PTPRZ1: variants seen among roughly 807,000 people sequenced by gnomAD.
The protein encoded by PTPRZ1 is protein tyrosine phosphatase receptor type Z1.
Under a neutral mutation model 214.1 loss-of-function variants are expected in PTPRZ1, and 82 were observed. The observed-to-expected ratio is 0.38, with a 90% CI of 0.32 to 0.46. The LOEUF (loss-of-function observed/expected upper bound fraction) is 0.46. Among genes scored for constraint, PTPRZ1 ranks in the 20% least tolerant of loss-of-function variants. The probability of loss-of-function intolerance (pLI) is 1.00; values close to 1 mark genes in which losing one functional copy is unlikely to be tolerated. For missense variants in PTPRZ1, 2,603 were observed against 2,748.7 expected, an observed-to-expected ratio of 0.95 and a Z score of 1.19; for synonymous variants, 945 against 987.9, an observed-to-expected ratio of 0.96 and a Z score of 0.81.
In PTPRZ1 at chr7:121,976,279, T is replaced by C; in HGVS notation, c.552+11T>C. 1.4e-6 allele frequency: 2 copies of C among 1,398,684 alleles called. No homozygotes were observed. The highest frequency in any genetic ancestry group is 1.4e-5 in the African/African-American group (1 of 71,474). 86.6% of individuals were successfully genotyped at this position (1,398,684 alleles called of 1,614,324 possible). A position where few individuals can be genotyped will look rare whatever the true frequency, so the allele number is the denominator to read the frequency against. Reference sequence around the variant, plus strand: ...TCCATTTTGTTTGAGGTAATATATATACACTTTACACTAATGTAATTCCTT... The same window carrying C: ...TCCATTTTGTTTGAGGTAATATATACACACTTTACACTAATGTAATTCCTT... On this transcript the variant is annotated intron_variant, in intron 5 of 29. Transcript: ENST00000393386.
At chr7:121,878,931 C>T (rs1442498465) in intron 1 of PTPRZ1, among the ~76,000 whole-genome samples, 1 of 152,136 alleles carries the variant, frequency 6.6e-6, no homozygotes, top group Non-Finnish European at 1.5e-5. Flanking sequence ...GGCCAATTTT[C>T]ACTGGTCTTT....
chr7:121,931,356 T>A (rs1795917902), intron 2 of PTPRZ1, among the ~76,000 whole-genome samples: 1 of 152,138 alleles, frequency 6.6e-6, no homozygotes, highest in Non-Finnish European at 1.5e-5. Context: ...AGGAGGTTAT[T>A]TTCCTCTAAC....
At chr7:121,910,513 G>A (rs1389755916) in intron 1 of PTPRZ1, among the ~76,000 whole-genome samples, 1 of 151,964 alleles carries the variant, frequency 6.6e-6, no homozygotes, top group Non-Finnish European at 1.5e-5. Flanking sequence ...ACATATATAT[G>A]GAACACTTTT....
At chr7:121,909,782 A>G (rs1459034473) in intron 1 of PTPRZ1, among the ~76,000 whole-genome samples, 2 of 152,138 alleles carry the variant, frequency 1.3e-5, no homozygotes, top group Non-Finnish European at 2.9e-5. Context: ...AAAAATTACA[A>G]TAAGAGTATG....
intron 1 of PTPRZ1, among the ~76,000 whole-genome samples, chr7:121,926,212 G>GAAGAATCA (rs72102642): frequency 2.6e-5 from 2 of 77,516 alleles, no homozygotes; most frequent in Admixed American, 1.4e-4. Context: ...GGCTGAGGCA[G>GAAGAATCA]AAGAATCGCT....
chr7:122,016,770 A>G (rs1321057799), intron 12 of PTPRZ1, among the ~76,000 whole-genome samples: 1 of 151,788 alleles, frequency 6.6e-6, no homozygotes, highest in Non-Finnish European at 1.5e-5. Context: ...GTAATTATAT[A>G]TATATATACC....
intron 10 of PTPRZ1, among the ~76,000 whole-genome samples, chr7:121,999,456 T>A (rs1417726429): frequency 6.6e-6 from 1 of 152,150 alleles, no homozygotes; most frequent in Non-Finnish European, 1.5e-5. Context: ...ACAACATTGA[T>A]CATGTTGGCC....
At chr7:121,893,225 AG>A (rs1016439848) in intron 1 of PTPRZ1, among the ~76,000 whole-genome samples, 6 of 152,188 alleles carry the variant, frequency 3.9e-5, no homozygotes, top group African/African-American at 1.2e-4. Context: ...TGTATCAGTT[AG>A]AATATAGTTT....
chr7:121,968,123 G>A lies in PTPRZ1; in HGVS notation c.297G>A (p.Gly99=). Residue 99 remains glycine, a synonymous_variant, in exon 3 of 30, where the codon GGG becomes GGA. Coordinates refer to ENST00000393386, the MANE Select transcript of PTPRZ1 (RefSeq NM_002851.3). ...SLENTFIHNT[G]KTVEINLTND... ...AAAACACATTCATTCATAACACTGGGAAAACAGGTAAAATATTTGCATTCT... is the reference window on the plus strand; with the variant it reads ...AAAACACATTCATTCATAACACTGGAAAAACAGGTAAAATATTTGCATTCT... 3 of 1,593,250 alleles carry A rather than the reference G, an allele frequency of 1.9e-6. No individual in the cohort carries two copies. Among genetic ancestry groups the A allele is most frequent in the Non-Finnish European group, 2.6e-6 (3 of 1,172,522 alleles).
At chr7:122,030,469 G>A (rs961660610) in intron 14 of PTPRZ1, among the ~76,000 whole-genome samples, 5 of 151,914 alleles carry the variant, frequency 3.3e-5, no homozygotes, top group African/African-American at 1.2e-4. Flanking sequence ...AAGCTTCTAA[G>A]CAAGATCCTT....
intron 2 of PTPRZ1, among the ~76,000 whole-genome samples, chr7:121,963,788 C>T (rs1038580219): frequency 6.6e-6 from 1 of 151,774 alleles, no homozygotes; most frequent in Non-Finnish European, 1.5e-5. Context: ...CATGGTTGCC[C>T]CATCCCAAGA....
In PTPRZ1 at chr7:122,009,978, G is replaced by GA. The variant is rs560474163; in HGVS notation, c.1288-355dup. ...CTAATGGCTATTTACCTTGATGCCT[G>GA]ATGAACAAAGAAATATAAAAACAAT... On this transcript the variant is annotated intron_variant, in intron 11 of 29. Coordinates refer to ENST00000393386, the MANE Select transcript of PTPRZ1 (RefSeq NM_002851.3). Among the ~76,000 whole-genome samples the GA allele has an allele frequency of 2.0e-3, 306 of 152,146 alleles. 10 individuals are homozygous for GA. In the South Asian group the frequency reaches 0.06, roughly 30 times the overall value.
intron 1 of PTPRZ1, among the ~76,000 whole-genome samples, chr7:121,912,502 T>C (rs1418540298): frequency 1.3e-5 from 2 of 152,206 alleles, no homozygotes; most frequent in Non-Finnish European, 2.9e-5. Context: ...CAGGTGTATG[T>C]TCATTGAAAT....
chr7:121,922,107 G>T (rs1795618736), intron 1 of PTPRZ1, among the ~76,000 whole-genome samples: 1 of 152,108 alleles, frequency 6.6e-6, no homozygotes, highest in African/African-American at 2.4e-5. Context: ...AATTTTACTT[G>T]GAAAGTTTGT....
intron 23 of PTPRZ1, among the ~76,000 whole-genome samples, chr7:122,048,525 A>G (rs1305542097): frequency 6.6e-6 from 1 of 152,152 alleles, no homozygotes; most frequent in African/African-American, 2.4e-5. Flanking sequence ...GAAAGGTTAA[A>G]TGCTTGAGGT....
intron 1 of PTPRZ1, among the ~76,000 whole-genome samples, chr7:121,926,220 G>A (rs1033722416): frequency 2.0e-4 from 30 of 150,950 alleles, no homozygotes; most frequent in East Asian, 1.9e-4. Context: ...CAGAAGAATC[G>A]CTTGAACCGG....
chr7:121,943,534 T>G (rs1259388563), intron 2 of PTPRZ1, among the ~76,000 whole-genome samples: 3 of 152,104 alleles, frequency 2.0e-5, no homozygotes, highest in East Asian at 3.9e-4. Flanking sequence ...GAGATGGGGC[T>G]TTACCGTGTT....
chr7:121,940,734 T>A (rs775793653), intron 2 of PTPRZ1, among the ~76,000 whole-genome samples: 1 of 152,150 alleles, frequency 6.6e-6, no homozygotes, highest in African/African-American at 2.4e-5. Context: ...TCTGACAGGT[T>A]TATGTCCATC....
chr7:121,977,986 G>T (rs1304229731), intron 6 of PTPRZ1, among the ~76,000 whole-genome samples: 1 of 152,158 alleles, frequency 6.6e-6, no homozygotes, highest in African/African-American at 2.4e-5. Flanking sequence ...ACCCTGACTT[G>T]TGCAACTATG....
Sources: gnomAD v4.1 joint callset for allele counts (sites outside exome capture counted in the v4.1 genomes callset) on GRCh38, gnomAD v4.1.1 for gene constraint, MANE v1.5 for transcripts, NCBI Gene and HGNC (gene_info 2026-07-23, HGNC 2026-07-21) for gene names.